The following DENND6A variants were observed in gnomAD, a reference collection of about 807,000 sequenced individuals.
DENND6A encodes protein DENND6A.
In DENND6A, 43 loss-of-function variants were observed where a neutral mutation model predicts 95.5. The observed-to-expected ratio is 0.45, with a 90% CI of 0.35 to 0.58. The LOEUF (loss-of-function observed/expected upper bound fraction) is 0.58. Ranked by LOEUF, DENND6A falls within the 20% of genes least tolerant of loss-of-function variation. DENND6A has a pLI of 0.00. For missense variants in DENND6A, 574 were observed against 736.0 expected (o/e 0.78, Z 2.55); for synonymous variants, 257 against 260.4 (o/e 0.99, Z 0.13).
intron 12 of DENND6A, among the ~76,000 whole-genome samples, chr3:57,640,040 G>C (rs2070889452): frequency 6.6e-6 from 1 of 152,086 alleles, no homozygotes; most frequent in Non-Finnish European, 1.5e-5. Flanking sequence ...GGGAAGCCGA[G>C]GTGGGCGGTC....
At chr3:57,642,541 A>T (rs966422137) in intron 11 of DENND6A, among the ~76,000 whole-genome samples, 5 of 152,176 alleles carry the variant, frequency 3.3e-5, no homozygotes, top group Admixed American at 1.3e-4. Context: ...AGAGTTTAGC[A>T]TTCCTGGAGC....
chr3:57,629,075 A>G (rs2070599942), intron 18 of DENND6A, among the ~76,000 whole-genome samples, 190 bp from the exon 19 acceptor site: 1 of 152,250 alleles, frequency 6.6e-6, no homozygotes, highest in Non-Finnish European at 1.5e-5. Flanking sequence ...AATTTTCTGC[A>G]TTAGCCAGAA....
chr3:57,644,765 GGT>G (rs1193304472), intron 11 of DENND6A, among the ~76,000 whole-genome samples: 1 of 3,850 alleles, frequency 2.6e-4, no homozygotes, highest in Non-Finnish European at 4.8e-4. Context: ...GGAGGGGAGG[GGT>G]GAGGAGGGGA....
intron 15 of DENND6A, 60 bp downstream of exon 15, chr3:57,633,205 A>T: frequency 7.1e-7 from 1 of 1,410,074 alleles, no homozygotes; most frequent in Non-Finnish European, 9.9e-7. Context: ...GGGCGGGAAA[A>T]ACATTTATAT....
intron 1 of DENND6A, among the ~76,000 whole-genome samples, chr3:57,674,017 GC>G (rs1317896782): frequency 6.6e-6 from 1 of 152,078 alleles, no homozygotes; most frequent in Non-Finnish European, 1.5e-5. Flanking sequence ...TGATCCACCT[GC>G]CTTGGCCTCC....
At chr3:57,685,365 T>C (rs112957224) in intron 1 of DENND6A, among the ~76,000 whole-genome samples, 4 of 152,322 alleles carry the variant, frequency 2.6e-5, no homozygotes, top group African/African-American at 9.6e-5. Flanking sequence ...AAAGTAACTA[T>C]ATTCAGGTTG....
intron 9 of DENND6A, among the ~76,000 whole-genome samples, chr3:57,652,054 T>C (rs201248215): frequency 2.6e-5 from 4 of 151,894 alleles, no homozygotes; most frequent in African/African-American, 9.7e-5. Context: ...AAAATAAAAA[T>C]AAAAATAAAT....
intron 9 of DENND6A, among the ~76,000 whole-genome samples, chr3:57,657,479 A>G (rs990341567): frequency 2.0e-5 from 3 of 152,188 alleles, no homozygotes; most frequent in African/African-American, 7.2e-5. Flanking sequence ...TACATATAAT[A>G]CATATTCTAT....
intron 1 of DENND6A, among the ~76,000 whole-genome samples, chr3:57,689,795 G>A (rs1036561591): frequency 6.6e-6 from 1 of 152,036 alleles, no homozygotes; most frequent in African/African-American, 2.4e-5. Flanking sequence ...GGGCATGGTG[G>A]CTCAACACCT....
intron 9 of DENND6A, among the ~76,000 whole-genome samples, chr3:57,652,360 C>T (rs188944856): frequency 6.6e-6 from 1 of 152,252 alleles, no homozygotes; most frequent in Admixed American, 6.5e-5. Context: ...CAGAGAACTG[C>T]GATCTCCAGC....
intron 1 of DENND6A, among the ~76,000 whole-genome samples, chr3:57,682,670 T>C (rs73086502): frequency 0.21 from 31,821 of 151,652 alleles, 4,172 homozygotes; most frequent in African/African-American, 0.37. Flanking sequence ...GACTATATGG[T>C]TTTTTTTGTT....
rs1457273265 is a variant in DENND6A at position 57,626,866 on chromosome 3, G to T, written c.*1348C>A. 1 of 152,530 alleles carries T rather than the reference G, an allele frequency of 6.6e-6. No individual in the cohort carries two copies. Among genetic ancestry groups the T allele is most frequent in the Non-Finnish European group, 1.5e-5 (1 of 68,038 alleles). The allele number at this position is 152,530 out of a possible 1,614,324, so 9.4% of individuals were successfully genotyped here. A position where few individuals can be genotyped will look rare whatever the true frequency, so the allele number is the denominator to read the frequency against. ...AACAACAAAAGCTAACCATGACAGTGACTCAGGCGAAAGTTCCCATGTCAA... is the reference window on the plus strand; with the variant it reads ...AACAACAAAAGCTAACCATGACAGTTACTCAGGCGAAAGTTCCCATGTCAA... On this transcript the variant is annotated 3_prime_UTR_variant, in exon 20 of 20. Coordinates refer to ENST00000311128, the MANE Select transcript of DENND6A (RefSeq NM_152678.3).
At chr3:57,641,099 A>C (rs1316072482) in intron 12 of DENND6A, among the ~76,000 whole-genome samples, 1 of 149,784 alleles carries the variant, frequency 6.7e-6, no homozygotes, top group Non-Finnish European at 1.5e-5. Context: ...GCAGTATTGG[A>C]AAGTTCTGTT....
At chr3:57,692,364 G>A (rs2077275290) in intron 1 of DENND6A, among the ~76,000 whole-genome samples, 1 of 152,048 alleles carries the variant, frequency 6.6e-6, no homozygotes, top group Non-Finnish European at 1.5e-5. Flanking sequence ...AACAATCTGA[G>A]CCTTAAAACT....
chr3:57,643,625 C>G (rs181084568), intron 11 of DENND6A, among the ~76,000 whole-genome samples: 1 of 151,570 alleles, frequency 6.6e-6, no homozygotes, highest in Non-Finnish European at 1.5e-5. Context: ...GTCAGGAGTT[C>G]GAGCCAGTCT....
rs2070517743 is a variant in DENND6A, at chr3:57,625,918, T to G, written c.*2296A>C. ...TGTAGTGGCATAATTTAAAAGATCCTTGATATGACACCAACAACTTACAAA... is the reference window on the plus strand; with the variant it reads ...TGTAGTGGCATAATTTAAAAGATCCGTGATATGACACCAACAACTTACAAA... On this transcript the variant is annotated 3_prime_UTR_variant, in exon 20 of 20. Coordinates refer to ENST00000311128, the MANE Select transcript of DENND6A (RefSeq NM_152678.3). The G allele has an allele frequency of 6.6e-6, 1 of 152,600 alleles. No homozygotes were observed. Among genetic ancestry groups the G allele is most frequent in the South Asian group, 2.1e-4 (1 of 4,826 alleles). The allele number at this position is 152,600 out of a possible 1,614,324, so 9.5% of individuals were successfully genotyped here. A position where few individuals can be genotyped will look rare whatever the true frequency, so the allele number is the denominator to read the frequency against.
intron 5 of DENND6A, among the ~76,000 whole-genome samples, chr3:57,662,903 G>A (rs895508961): frequency 1.3e-5 from 2 of 151,988 alleles, no homozygotes; most frequent in Admixed American, 1.3e-4. Context: ...TGGATCACCT[G>A]AAGTCAGGAG....
At chr3:57,641,616 T>A (rs1176235091) in intron 12 of DENND6A, 37 bp downstream of exon 12, 1 of 1,563,444 alleles carries the variant, frequency 6.4e-7, no homozygotes, top group South Asian at 1.2e-5. Flanking sequence ...TCAGCAACAC[T>A]GCACACTAGA....
At chr3:57,657,174 C>A (rs2071343164) in intron 9 of DENND6A, among the ~76,000 whole-genome samples, 1 of 152,150 alleles carries the variant, frequency 6.6e-6, no homozygotes, top group Admixed American at 6.6e-5. Flanking sequence ...TATTTCTTTT[C>A]TAAGTGCTAA....
Sources: gnomAD v4.1 joint callset for allele counts (sites outside exome capture counted in the v4.1 genomes callset) on GRCh38, gnomAD v4.1.1 for gene constraint, MANE v1.5 for transcripts, NCBI Gene and HGNC (gene_info 2026-07-23, HGNC 2026-07-21) for gene names.